ADAM12: variants seen among roughly 807,000 people sequenced by gnomAD.
The protein encoded by ADAM12 is disintegrin and metalloproteinase domain-containing protein 12.
Under a neutral mutation model 106.4 loss-of-function variants are expected in ADAM12, and 70 were observed. The observed-to-expected ratio is 0.66, with a 90% CI of 0.54 to 0.80. The LOEUF (loss-of-function observed/expected upper bound fraction) is 0.80. ADAM12 is among the 30% of genes least tolerant of loss of function. The pLI, the probability that ADAM12 is intolerant of heterozygous loss-of-function variation, is 0.00. For missense variants in ADAM12, 1,010 were observed against 1,171.9 expected (o/e 0.86, Z 2.02); for synonymous variants, 420 against 433.5 (o/e 0.97, Z 0.39).
At chr10:126,170,445 G>C (rs867217330) in intron 3 of ADAM12, among the ~76,000 whole-genome samples, 5 of 119,112 alleles carry the variant, frequency 4.2e-5, no homozygotes, top group Non-Finnish European at 6.4e-5. Flanking sequence ...AAAAGAGGGC[G>C]GGGGGGGAGT....
intron 4 of ADAM12, among the ~76,000 whole-genome samples, chr10:126,146,136 G>A (rs908466401): frequency 2.0e-5 from 3 of 152,200 alleles, no homozygotes; most frequent in African/African-American, 7.2e-5. Flanking sequence ...GCCTGAGCTG[G>A]TGCAGCCATG....
chr10:126,344,663 T>A (rs928043345), intron 1 of ADAM12, among the ~76,000 whole-genome samples: 1 of 152,248 alleles, frequency 6.6e-6, no homozygotes, highest in South Asian at 2.1e-4. Context: ...GAGCATGGAA[T>A]CTTCTTCCAT....
intron 4 of ADAM12, among the ~76,000 whole-genome samples, chr10:126,153,072 T>C (rs1394749817): frequency 6.6e-6 from 1 of 152,244 alleles, no homozygotes; most frequent in Non-Finnish European, 1.5e-5. Flanking sequence ...TCCTTCCTAC[T>C]GAGCTATTCT....
At chr10:126,344,261 C>G (rs1171861394) in intron 1 of ADAM12, among the ~76,000 whole-genome samples, 2 of 152,120 alleles carry the variant, frequency 1.3e-5, no homozygotes, top group Admixed American at 1.3e-4. Flanking sequence ...TTTCCCAGCA[C>G]CATTTATTAA....
intron 1 of ADAM12, among the ~76,000 whole-genome samples, chr10:126,348,060 T>C (rs922387121): frequency 2.6e-5 from 4 of 152,130 alleles, no homozygotes; most frequent in African/African-American, 9.7e-5. Flanking sequence ...CCTGGGGCAA[T>C]TGAGAAAGGA....
intron 8 of ADAM12, among the ~76,000 whole-genome samples, chr10:126,104,364 C>T (rs376845553): frequency 1.3e-3 from 195 of 150,248 alleles, no homozygotes; most frequent in African/African-American, 4.7e-3. Context: ...GCAGGAGAAT[C>T]GCTTGAACCT....
chr10:126,154,903 C>A (rs1676720), intron 4 of ADAM12, among the ~76,000 whole-genome samples: 66,031 of 151,928 alleles, frequency 0.43, 14,936 homozygotes, highest in East Asian at 0.77. Flanking sequence ...TCAGGCAAGG[C>A]TGCCTTCCAA....
chr10:126,279,785 A>G (rs1959474396), intron 2 of ADAM12, among the ~76,000 whole-genome samples: 1 of 152,082 alleles, frequency 6.6e-6, no homozygotes, highest in Admixed American at 6.6e-5. Flanking sequence ...GTCATCCCAC[A>G]GAACAGGCAC....
At chr10:126,192,164 C>T (rs564781928) in intron 3 of ADAM12, among the ~76,000 whole-genome samples, 1 of 152,284 alleles carries the variant, frequency 6.6e-6, no homozygotes, top group East Asian at 1.9e-4. Context: ...ATATCACTAG[C>T]TATGTGCCTT....
At chr10:126,122,254 A>G (rs1233439282) in intron 5 of ADAM12, among the ~76,000 whole-genome samples, 2 of 152,206 alleles carry the variant, frequency 1.3e-5, no homozygotes, top group East Asian at 3.9e-4. Flanking sequence ...AAGTCATTCT[A>G]TGAAGTGTTG....
At chr10:126,350,212 G>A (rs750846803) in intron 1 of ADAM12, among the ~76,000 whole-genome samples, 1 of 152,160 alleles carries the variant, frequency 6.6e-6, no homozygotes, top group African/African-American at 2.4e-5. Flanking sequence ...AACTTTTCCA[G>A]TGTGCCCTAA....
intron 21 of ADAM12, among the ~76,000 whole-genome samples, chr10:126,029,110 G>A (rs1047608874): frequency 1.3e-5 from 2 of 152,162 alleles, no homozygotes; most frequent in Non-Finnish European, 2.9e-5. Context: ...TGCTAGAAAG[G>A]TTGCAGAGCA....
intron 21 of ADAM12, among the ~76,000 whole-genome samples, chr10:126,032,536 GA>G (rs1296441376): frequency 6.6e-6 from 1 of 152,026 alleles, no homozygotes; most frequent in African/African-American, 2.4e-5. Context: ...TGCTGGTGGA[GA>G]AAAAAACACC....
intron 1 of ADAM12, among the ~76,000 whole-genome samples, chr10:126,351,111 A>C (rs1198597459): frequency 6.6e-6 from 1 of 152,210 alleles, no homozygotes; most frequent in East Asian, 1.9e-4. Context: ...AGAGGTGTCC[A>C]CGGGCAGTGC....
chr10:126,113,999 A>G (rs1429945798), intron 6 of ADAM12, among the ~76,000 whole-genome samples: 3 of 152,044 alleles, frequency 2.0e-5, no homozygotes, highest in Non-Finnish European at 4.4e-5. Flanking sequence ...CTCTTCCTCT[A>G]GGCAAGAAAA....
chr10:126,065,717 A>G (rs11244795), intron 13 of ADAM12, among the ~76,000 whole-genome samples: 19,402 of 152,112 alleles, frequency 0.13, 1,379 homozygotes, highest in African/African-American at 0.19. Context: ...GCCAACTTCT[A>G]GAAGATCTGG....
chr10:126,155,299 G>C lies in ADAM12; in HGVS notation c.267C>G (p.Leu89=). ...LIINLERNEG[L]IASSFTETHY... ...GGGTTTCCGTGAAACTGCTGGCAAT[G>C]AGACCTCTGCGGAAAAACAAAAACA... is the stretch of plus-strand genomic sequence containing the variant. Residue 89 remains leucine (L), a synonymous_variant, in exon 4 of 23, where the codon CTC becomes CTG. Coordinates refer to ENST00000448723, the MANE Select transcript of ADAM12 (RefSeq NM_001288973.2). 6.2e-7 allele frequency: 1 copy of C among 1,614,000 alleles called. No individual in the cohort carries two copies. The highest frequency in any genetic ancestry group is 8.5e-7 in the Non-Finnish European group (1 of 1,179,922).
At chr10:126,253,246 C>T (rs1179084784) in intron 3 of ADAM12, among the ~76,000 whole-genome samples, 4 of 151,986 alleles carry the variant, frequency 2.6e-5, no homozygotes, top group Non-Finnish European at 4.4e-5. Context: ...TTTTTAAGAC[C>T]GAAAGCGTGA....
intron 3 of ADAM12, among the ~76,000 whole-genome samples, chr10:126,242,086 G>A (rs1958537828): frequency 1.3e-5 from 2 of 151,286 alleles, no homozygotes; most frequent in Non-Finnish European, 2.9e-5. Flanking sequence ...GCAAAGCTAT[G>A]TTTCTGAAAA....
Sources: gnomAD v4.1 joint callset for allele counts (sites outside exome capture counted in the v4.1 genomes callset) on GRCh38, gnomAD v4.1.1 for gene constraint, MANE v1.5 for transcripts, NCBI Gene and HGNC (gene_info 2026-07-23, HGNC 2026-07-21) for gene names.